CALN1: variants seen among roughly 807,000 people sequenced by gnomAD.
CALN1 encodes calneuron 1.
CALN1 carries 17 observed loss-of-function variants against 30.6 expected under a neutral mutation model. The ratio of observed to expected loss-of-function variants is 0.56; its 90% CI spans 0.38 to 0.83. The LOEUF is 0.83. Ranked by LOEUF, CALN1 falls within the 40% of genes least tolerant of loss-of-function variation. CALN1 has a pLI of 0.00. For missense variants in CALN1, 291 were observed against 354.9 expected (o/e 0.82, Z 1.45); for synonymous variants, 156 against 131.4 (o/e 1.19, Z -1.28).
chr7:71,784,937 T>C lies in CALN1; in HGVS notation c.*2838A>G. The stretch of plus-strand genomic sequence containing the variant: ...AGCATAAAATTTGTGTGAACAGGGC[T>C]GGGAGTTGGCTGCCTGACAAGGAAG... On this transcript the variant is annotated 3_prime_UTR_variant, in exon 7 of 7. Transcript: ENST00000395275. 2.5e-6 allele frequency: 1 copy of C among 398,566 alleles called. No homozygotes were observed. The allele number at this position is 398,566 out of a possible 1,614,324, so 24.7% of individuals were successfully genotyped here.
At chr7:71,881,904 A>G (rs1455473849) in intron 5 of CALN1, among the ~76,000 whole-genome samples, 2 of 136,990 alleles carry the variant, frequency 1.5e-5, no homozygotes, top group African/African-American at 2.7e-5. Flanking sequence ...AATACCCTAT[A>G]TTTACAAAAA....
chr7:72,459,311 G>T, the CALN1 span, among the ~76,000 whole-genome samples: 1 of 152,156 alleles, frequency 6.6e-6, no homozygotes, highest in Non-Finnish European at 1.5e-5. Flanking sequence ...ACAACCTGTA[G>T]CCACTAATGG....
At chr7:71,808,555 C>T (rs1460758009) in intron 6 of CALN1, among the ~76,000 whole-genome samples, 5 of 151,948 alleles carry the variant, frequency 3.3e-5, no homozygotes, top group Non-Finnish European at 7.4e-5. Flanking sequence ...GTTTGGTAGC[C>T]CCTTTGTCAG....
intron 2 of CALN1, among the ~76,000 whole-genome samples, chr7:72,355,837 T>C (rs944294257): frequency 2.6e-5 from 4 of 152,188 alleles, no homozygotes; most frequent in Non-Finnish European, 5.9e-5. Context: ...AATGTTTATG[T>C]CTTAATTATG....
chr7:71,944,612 A>G (rs544052241), intron 5 of CALN1, among the ~76,000 whole-genome samples: 5 of 151,662 alleles, frequency 3.3e-5, no homozygotes, highest in African/African-American at 9.7e-5. Context: ...AAAAAAAAAA[A>G]AAAAAGAAAG....
At position 72,161,175 on chromosome 7, in the gene CALN1, G is replaced by T. The variant is rs1294527185; in HGVS notation, c.245-54881C>A. On this transcript the variant is annotated intron_variant, in intron 3 of 6. Coordinates refer to ENST00000395275, the MANE Select transcript of CALN1 (RefSeq NM_031468.4). ...AAACTAACTAACTCAATAAATAAGAGGATGACATAAGGAGGATTCCCTGCC... is the reference window on the plus strand; with the variant it reads ...AAACTAACTAACTCAATAAATAAGATGATGACATAAGGAGGATTCCCTGCC... Among the ~76,000 whole-genome samples the T allele has an allele frequency of 5.3e-5, 8 of 152,252 alleles. 1 individual carries two copies. The East Asian group carries it at 1.2e-3, about 22-fold the overall frequency.
At chr7:71,899,406 G>A (rs1793728739) in intron 5 of CALN1, among the ~76,000 whole-genome samples, 1 of 152,128 alleles carries the variant, frequency 6.6e-6, no homozygotes. Flanking sequence ...GCCTCCCAAA[G>A]TGCTGGGATT....
At chr7:72,210,684 T>A (rs149654647) in intron 3 of CALN1, among the ~76,000 whole-genome samples, 74 of 152,160 alleles carry the variant, frequency 4.9e-4, no homozygotes, top group Non-Finnish European at 8.1e-4. Context: ...AAGAAAAGTA[T>A]GGAGGAAACC....
intron 4 of CALN1, among the ~76,000 whole-genome samples, chr7:72,100,917 A>C (rs1260107064): frequency 6.6e-6 from 1 of 151,724 alleles, no homozygotes; most frequent in African/African-American, 2.4e-5. Context: ...AGAAGTTGCT[A>C]ATTGCTAATT....
intron 5 of CALN1, among the ~76,000 whole-genome samples, chr7:71,897,277 G>T (rs984265111): frequency 6.6e-6 from 1 of 152,156 alleles, no homozygotes; most frequent in Non-Finnish European, 1.5e-5. Flanking sequence ...GAGAATTTGG[G>T]AACTGTTGCA....
intron 2 of CALN1, among the ~76,000 whole-genome samples, chr7:72,320,339 G>A (rs1800785138): frequency 6.6e-6 from 1 of 152,158 alleles, no homozygotes; most frequent in African/African-American, 2.4e-5. Context: ...CCAGTCCAGT[G>A]AGTCGAGCCT....
chr7:71,864,754 A>C lies in CALN1; in HGVS notation c.502-54262T>G, dbSNP rs142309657. ...TGGTAGCTCACGCCTGTAATCCCAGAAATTTGGGAGGCCAAGGCAGGAGGA... is the reference window on the plus strand; with the variant it reads ...TGGTAGCTCACGCCTGTAATCCCAGCAATTTGGGAGGCCAAGGCAGGAGGA... On this transcript the variant is annotated intron_variant, in intron 5 of 6. Coordinates refer to ENST00000395275, the MANE Select transcript of CALN1 (RefSeq NM_031468.4). Among the ~76,000 whole-genome samples the C allele has an allele frequency of 2.9e-3, 446 of 152,260 alleles. 3 individuals are homozygous for C. The highest frequency in any genetic ancestry group is 4.0e-3 in the Non-Finnish European group (272 of 68,008).
intron 5 of CALN1, among the ~76,000 whole-genome samples, chr7:71,810,832 C>A (rs114335846): frequency 6.6e-6 from 1 of 151,794 alleles, no homozygotes; most frequent in Non-Finnish European, 1.5e-5. Context: ...ATAATGCATA[C>A]GTCTCTAAAA....
rs183943186 is a variant in CALN1 at position 71,905,256 on chromosome 7, A to G, written c.502-94764T>C. ...GCCTGGCCTATTTATTTATTTTTTA[A>G]AATTATATTTCAATAGCTTTTGGGG... On this transcript the variant is annotated intron_variant, in intron 5 of 6. Coordinates refer to ENST00000395275, the MANE Select transcript of CALN1 (RefSeq NM_031468.4). Among the ~76,000 whole-genome samples the G allele has an allele frequency of 6.6e-3, 1,002 of 152,102 alleles. 6 individuals are homozygous for G. Among genetic ancestry groups the G allele is most frequent in the Non-Finnish European group, 9.4e-3 (637 of 67,988 alleles).
chr7:72,257,576 T>TAGATCTACCA lies in CALN1; in HGVS notation c.244+21100_244+21109dup, dbSNP rs1411946589. On this transcript the variant is annotated intron_variant, in intron 3 of 6. Coordinates refer to ENST00000395275, the MANE Select transcript of CALN1 (RefSeq NM_031468.4). ...TGGAGATTCCTTAAAGAACTAAAAG[T>TAGATCTACCA]AGATCTACCACTTGATCCAGCAATC... Among the ~76,000 whole-genome samples, 3 of 152,236 alleles carry TAGATCTACCA rather than the reference T, an allele frequency of 2.0e-5. No homozygotes were observed. In the East Asian group the frequency reaches 5.8e-4, roughly 29 times the overall value.
At chr7:72,148,934 A>G (rs1423918509) in intron 3 of CALN1, among the ~76,000 whole-genome samples, 1 of 149,912 alleles carries the variant, frequency 6.7e-6, no homozygotes, top group Non-Finnish European at 1.5e-5. Flanking sequence ...GAAAGAAAAA[A>G]AAGAAGGAAG....
intron 5 of CALN1, among the ~76,000 whole-genome samples, chr7:71,852,555 G>C (rs12112505): frequency 6.6e-6 from 1 of 150,710 alleles, no homozygotes; most frequent in African/African-American, 2.4e-5. Context: ...AACCATGATC[G>C]CACCACTGCA....
intron 5 of CALN1, among the ~76,000 whole-genome samples, chr7:71,943,425 T>C (rs1462480215): frequency 1.3e-5 from 2 of 152,056 alleles, no homozygotes; most frequent in African/African-American, 4.8e-5. Context: ...CCTCTTCTGT[T>C]AAATGGGAAC....
intron 2 of CALN1, among the ~76,000 whole-genome samples, chr7:72,302,533 TC>T (rs1398603875): frequency 6.6e-6 from 1 of 152,060 alleles, no homozygotes; most frequent in Non-Finnish European, 1.5e-5. Flanking sequence ...AGGCCCATCA[TC>T]CCAGTACTTT....
Sources: gnomAD v4.1 joint callset for allele counts (sites outside exome capture counted in the v4.1 genomes callset) on GRCh38, gnomAD v4.1.1 for gene constraint, MANE v1.5 for transcripts, NCBI Gene and HGNC (gene_info 2026-07-23, HGNC 2026-07-21) for gene names.